Variants in ACSS1 observed in about 807,000 individuals in gnomAD.
ACSS1 encodes acyl-CoA synthetase short chain family member 1.
ACSS1 carries 42 observed loss-of-function variants against 75.3 expected under a neutral mutation model. The ratio of observed to expected loss-of-function variants is 0.56; its 90% confidence interval spans 0.44 to 0.72. ACSS1 has a LOEUF of 0.72. Ranked by LOEUF, ACSS1 falls within the 30% of genes least tolerant of loss-of-function variation. The pLI is 0.00. For missense variants in ACSS1, 782 were observed against 935.7 expected (o/e 0.84, Z 2.14); for synonymous variants, 380 against 376.8 (o/e 1.01, Z -0.10).
rs201405516 is a variant in ACSS1 at position 25,048,075 on chromosome 20, G to T, written c.431+10C>A. ...CTCCCTCGCACCTTGAACATTCGAG[G>T]GCACAGTACCTGTAGGTGATCCTCA... On this transcript the variant is annotated intron_variant, in intron 2 of 13. Coordinates refer to ENST00000323482, the MANE Select transcript of ACSS1 (RefSeq NM_032501.4). 1.2e-6 allele frequency: 2 copies of T among 1,612,930 alleles called. No homozygotes were observed. The highest frequency in any genetic ancestry group is 2.7e-5 in the African/African-American group (2 of 74,812).
intron 2 of ACSS1, among the ~76,000 whole-genome samples, chr20:25,047,084 G>A (rs1054182194): frequency 3.3e-5 from 5 of 152,184 alleles, no homozygotes; most frequent in South Asian, 2.1e-4. Flanking sequence ...GCATGAGCAC[G>A]GTTTTAGCAG....
chr20:25,021,576 C>G (rs769610242), intron 5 of ACSS1, 40 bp from the exon 6 acceptor site: 5 of 1,603,858 alleles, frequency 3.1e-6, no homozygotes, highest in East Asian at 2.2e-5. Context: ...CTTGTCCCCC[C>G]ACTCCACCAT....
chr20:25,012,452 C>G, intron 12 of ACSS1, 149 bp downstream of exon 12: 4 of 985,450 alleles, frequency 4.1e-6, no homozygotes, highest in Non-Finnish European at 6.2e-6. Context: ...TCCTCCCCTA[C>G]AGTTTCCACT....
At chr20:25,030,203 T>TG (rs1042039727) in intron 3 of ACSS1, among the ~76,000 whole-genome samples, 4 of 152,138 alleles carry the variant, frequency 2.6e-5, no homozygotes, top group African/African-American at 7.2e-5. Context: ...GGTGCAGAGA[T>TG]CAGACTGCAT....
At chr20:25,056,789 C>T (rs1293110675) in intron 1 of ACSS1, among the ~76,000 whole-genome samples, 2 of 152,196 alleles carry the variant, frequency 1.3e-5, no homozygotes, top group East Asian at 3.9e-4. Flanking sequence ...GTTATGACCA[C>T]CCTTCTGGTC....
At chr20:25,040,531 C>G (rs1431389406) in intron 2 of ACSS1, among the ~76,000 whole-genome samples, 1 of 152,246 alleles carries the variant, frequency 6.6e-6, no homozygotes, top group African/African-American at 2.4e-5. Context: ...TCAAACTCCT[C>G]CAAAGAACAG....
At position 25,012,820 on chromosome 20, in the gene ACSS1, C is replaced by T. The variant is rs2088435727; in HGVS notation, c.1699G>A (p.Asp567Asn). Residue 567 changes from aspartate to asparagine, a missense_variant, in exon 11 of 14, where the codon GAC becomes AAC. This residue lies in a region of ACSS1 where 405 missense variants were observed against 552.6 expected (regional missense o/e 0.73). Coordinates refer to ENST00000323482, the MANE Select transcript of ACSS1 (RefSeq NM_032501.4). Reference sequence around the variant, plus strand: ...GCCCAGCCTGTGCTCACGATGGCGTCCTCAATCTCTGCGGTCCCCAGCCGG... The same window carrying T: ...GCCCAGCCTGTGCTCACGATGGCGTTCTCAATCTCTGCGGTCCCCAGCCGG... Reference protein sequence around the residue: ...GHRLGTAEIEDAIADHPAVPE... With the variant: ...GHRLGTAEIENAIADHPAVPE... 6.2e-7 allele frequency: 1 copy of T among 1,614,028 alleles called. No individual in the cohort carries two copies. The highest frequency in any genetic ancestry group is 8.5e-7 in the Non-Finnish European group (1 of 1,180,030).
chr20:25,014,343 A>G (rs1253256162), intron 8 of ACSS1, among the ~76,000 whole-genome samples: 1 of 152,102 alleles, frequency 6.6e-6, no homozygotes, highest in Admixed American at 6.5e-5. Context: ...TGAAGTGGGA[A>G]AGGGCAGAGC....
intron 1 of ACSS1, among the ~76,000 whole-genome samples, chr20:25,052,006 G>A (rs988952175): frequency 1.3e-5 from 2 of 152,166 alleles, no homozygotes; most frequent in South Asian, 4.1e-4. Flanking sequence ...TGGCCACCAT[G>A]GCTGGTGCTC....
chr20:25,049,421 C>A (rs770029643), intron 1 of ACSS1, among the ~76,000 whole-genome samples: 1 of 152,156 alleles, frequency 6.6e-6, no homozygotes, highest in Admixed American at 6.5e-5. Context: ...GATGGTTTAA[C>A]CCAACCAGTC....
chr20:25,042,352 G>T (rs140076315), intron 2 of ACSS1, among the ~76,000 whole-genome samples: 2 of 152,110 alleles, frequency 1.3e-5, no homozygotes, highest in South Asian at 4.1e-4. Flanking sequence ...TGGCTGTAGC[G>T]TGCAGATTCC....
intron 2 of ACSS1, 83 bp from the exon 3 acceptor site, chr20:25,031,041 A>T: frequency 7.4e-7 from 1 of 1,345,188 alleles, no homozygotes; most frequent in Non-Finnish European, 1.0e-6. Context: ...AATACTGCAA[A>T]TTTTATGTCA....
intron 2 of ACSS1, among the ~76,000 whole-genome samples, chr20:25,047,255 C>A (rs980709674): frequency 2.0e-5 from 3 of 152,170 alleles, no homozygotes; most frequent in Non-Finnish European, 2.9e-5. Context: ...CCTCCACGTC[C>A]CCTCGCTCCT....
rs957164380 is a variant in ACSS1, at chr20:25,017,511, G to A, written c.1247-2281C>T. On this transcript the variant is annotated intron_variant, in intron 7 of 13. Coordinates refer to ENST00000323482, the MANE Select transcript of ACSS1 (RefSeq NM_032501.4). ...ACGCTGCCTGCCAACACTGTATACC[G>A]AGAACAGAACAGCGAGGTGTGTGAT... Among the ~76,000 whole-genome samples the A allele has an allele frequency of 6.6e-5, 10 of 152,336 alleles. 1 individual carries two copies. Among genetic ancestry groups the A allele is most frequent in the South Asian group, 4.1e-4 (2 of 4,830 alleles).
intron 3 of ACSS1, among the ~76,000 whole-genome samples, chr20:25,024,785 C>T (rs1021178129): frequency 1.3e-5 from 2 of 152,196 alleles, no homozygotes; most frequent in African/African-American, 4.8e-5. Context: ...CTTTCTCCTC[C>T]TAAGAGCCCT....
At chr20:25,035,285 C>G (rs1391060646) in intron 2 of ACSS1, among the ~76,000 whole-genome samples, 1 of 152,166 alleles carries the variant, frequency 6.6e-6, no homozygotes, top group African/African-American at 2.4e-5. Flanking sequence ...ATACATGTAA[C>G]AGATGCCCTT....
chr20:25,009,188 T>A, intron 13 of ACSS1, 82 bp downstream of exon 13: 1 of 1,228,160 alleles, frequency 8.1e-7, no homozygotes, highest in Non-Finnish European at 1.2e-6. Context: ...AAAAGAGTAA[T>A]ATGCTCCTAA....
rs183352912 is a variant in ACSS1, at chr20:25,014,166, T to C, written c.1340-93A>G. The C allele has an allele frequency of 5.5e-4, 606 of 1,101,724 alleles. 3 individuals carry two copies. The African/African-American group carries it at 8.7e-3, about 16-fold the overall frequency. 68.2% of individuals were successfully genotyped at this position (1,101,724 alleles called of 1,614,324 possible). On this transcript the variant is annotated intron_variant, in intron 8 of 13. Coordinates refer to ENST00000323482, the MANE Select transcript of ACSS1 (RefSeq NM_032501.4). ...GTGGTAGGTGGGACTGTCCCTGTTG[T>C]GGGCAAGGAAACGCCTCAGGGGCAC...
rs987610641 is a variant in ACSS1 at position 25,058,015 on chromosome 20, C to G, written c.88G>C (p.Gly30Arg). 6 of 1,406,158 alleles carry G rather than the reference C, an allele frequency of 4.3e-6. No individual in the cohort carries two copies. Among genetic ancestry groups the G allele is most frequent in the Non-Finnish European group, 5.5e-6 (6 of 1,086,784 alleles). The allele number at this position is 1,406,158 out of a possible 1,614,324, so 87.1% of individuals were successfully genotyped here. A position where few individuals can be genotyped will look rare whatever the true frequency, so the allele number is the denominator to read the frequency against. The change falls in exon 1 of 14, where the codon GGG becomes CGG. Residue 30 changes from glycine (G) to arginine (R), a missense_variant. Around this residue, in one of 2 missense-constraint regions of ACSS1, gnomAD observed 377 missense variants for 383.1 expected, o/e 0.98. Transcript: ENST00000323482. Reference protein sequence around the residue: ...LSGQPARPPCGVSAPRRAASG... With the variant: ...LSGQPARPPCRVSAPRRAASG... ...GCCGCCCTGCGCGGCGCGCTCACCCCGCACGGCGGCCGCGCGGGCTGCCCC... is the reference window on the plus strand; with the variant it reads ...GCCGCCCTGCGCGGCGCGCTCACCCGGCACGGCGGCCGCGCGGGCTGCCCC...
Sources: gnomAD v4.1 joint callset for allele counts (sites outside exome capture counted in the v4.1 genomes callset) on GRCh38, gnomAD v4.1.1 for gene constraint, gnomAD v4.1.1 regional missense constraint, MANE v1.5 for transcripts, NCBI Gene and HGNC (gene_info 2026-07-23, HGNC 2026-07-21) for gene names.